The following RGS20 variants were observed in gnomAD, a reference collection of about 807,000 sequenced individuals.
The protein encoded by RGS20 is gz-selective GTPase-activating protein.
Under a neutral mutation model 33.6 loss-of-function variants are expected in RGS20, and 30 were observed. That is an observed-to-expected ratio of 0.89 (90% CI 0.67 to 1.21). The LOEUF (loss-of-function observed/expected upper bound fraction) is 1.21. Ranked by LOEUF, RGS20 falls within the 50% of genes most tolerant of loss-of-function variation. The pLI, the probability that RGS20 is intolerant of heterozygous loss-of-function variation, is 0.00. For synonymous variants in RGS20, 208 were observed against 197.9 expected, an observed-to-expected ratio of 1.05 and a Z score of -0.43; for missense variants, 472 against 502.4, an observed-to-expected ratio of 0.94 and a Z score of 0.58.
At chr8:53,885,184 C>T (rs143174030) in intron 2 of RGS20, among the ~76,000 whole-genome samples, 1 of 152,156 alleles carries the variant, frequency 6.6e-6, no homozygotes, top group Admixed American at 6.5e-5. Flanking sequence ...TGGTTTCATT[C>T]CAGGCATTAA....
intron 1 of RGS20, among the ~76,000 whole-genome samples, chr8:53,866,272 C>T (rs1005174343): frequency 6.6e-6 from 1 of 152,162 alleles, no homozygotes; most frequent in Non-Finnish European, 1.5e-5. Flanking sequence ...GAGTACACAT[C>T]AGCAAATCGC....
chr8:53,941,874 A>G (rs1179297455), intron 3 of RGS20, among the ~76,000 whole-genome samples: 1 of 152,104 alleles, frequency 6.6e-6, no homozygotes, highest in Admixed American at 6.6e-5. Context: ...AAACCTGAAA[A>G]CCCTAGGCAA....
chr8:53,873,024 A>G (rs1812114874), intron 1 of RGS20, among the ~76,000 whole-genome samples: 1 of 152,126 alleles, frequency 6.6e-6, no homozygotes, highest in Non-Finnish European at 1.5e-5. Context: ...GAGGCGATTG[A>G]GTCACGAGGG....
chr8:53,942,989 T>C (rs1338559968), intron 3 of RGS20, among the ~76,000 whole-genome samples: 5 of 152,066 alleles, frequency 3.3e-5, no homozygotes, highest in Admixed American at 3.3e-4. Flanking sequence ...GAGTGAGACC[T>C]TGTCTCAGAA....
intron 2 of RGS20, among the ~76,000 whole-genome samples, chr8:53,921,177 G>A (rs1472470160): frequency 1.3e-5 from 2 of 152,084 alleles, no homozygotes; most frequent in Non-Finnish European, 2.9e-5. Flanking sequence ...ACTTAGTCAT[G>A]GCATATAATC....
At chr8:53,929,681 T>C (rs1161255521) in intron 2 of RGS20, among the ~76,000 whole-genome samples, 3 of 152,136 alleles carry the variant, frequency 2.0e-5, no homozygotes, top group African/African-American at 7.2e-5. Context: ...AAAAAATGTT[T>C]AATAACAGAC....
chr8:53,903,872 C>T (rs888912707), intron 2 of RGS20, among the ~76,000 whole-genome samples: 1 of 152,120 alleles, frequency 6.6e-6, no homozygotes, highest in African/African-American at 2.4e-5. Context: ...AGAATGGAGG[C>T]AGAGTGAGTG....
At chr8:53,899,373 C>T (rs1052775104) in intron 2 of RGS20, among the ~76,000 whole-genome samples, 3 of 152,184 alleles carry the variant, frequency 2.0e-5, no homozygotes, top group African/African-American at 7.2e-5. Context: ...AGTGACAGAA[C>T]AGAACTCACA....
intron 2 of RGS20, among the ~76,000 whole-genome samples, chr8:53,920,193 C>T (rs1311232623): frequency 6.6e-6 from 1 of 152,114 alleles, no homozygotes; most frequent in Non-Finnish European, 1.5e-5. Context: ...ATATTCTTTA[C>T]TTTCAACAAT....
At chr8:53,936,857 G>A (rs867372989) in intron 2 of RGS20, among the ~76,000 whole-genome samples, 4 of 152,258 alleles carry the variant, frequency 2.6e-5, no homozygotes, top group Middle Eastern at 3.4e-3. Context: ...CTACAATGTT[G>A]TAGTAACCAA....
chr8:53,939,738 CT>C lies in RGS20; in HGVS notation c.659+19del. 2 of 1,545,486 alleles carry C rather than the reference CT, an allele frequency of 1.3e-6. No homozygotes were observed. Among genetic ancestry groups the C allele is most frequent in the Admixed American group, 2.0e-5 (1 of 50,148 alleles). On this transcript the variant is annotated intron_variant, in intron 3 of 5. Coordinates refer to ENST00000297313, the MANE Select transcript of RGS20 (RefSeq NM_170587.4). ...TAGCTGCTCGTGGTAAGGTTTGGGG[CT>C]TTTTAATGAATGTGCTCCTGACTGG...
intron 1 of RGS20, among the ~76,000 whole-genome samples, chr8:53,872,403 G>A (rs1229739682): frequency 1.3e-5 from 2 of 152,056 alleles, no homozygotes; most frequent in Admixed American, 6.5e-5. Flanking sequence ...ACCATGATTT[G>A]GTTGCCCTTA....
intron 2 of RGS20, among the ~76,000 whole-genome samples, chr8:53,900,305 C>A (rs1217505433): frequency 6.6e-6 from 1 of 152,058 alleles, no homozygotes; most frequent in Non-Finnish European, 1.5e-5. Flanking sequence ...CCATGCCTGG[C>A]TGATTTTTAA....
At chr8:53,957,674 A>G (rs752890346) in intron 5 of RGS20, among the ~76,000 whole-genome samples, 11 of 152,222 alleles carry the variant, frequency 7.2e-5, no homozygotes, top group Non-Finnish European at 1.3e-4. Flanking sequence ...CTTGTGGGAA[A>G]TAACAAGCAT....
chr8:53,912,845 C>A (rs966251738), intron 2 of RGS20, among the ~76,000 whole-genome samples: 7 of 151,958 alleles, frequency 4.6e-5, no homozygotes, highest in African/African-American at 1.7e-4. Context: ...TGATTCTTTC[C>A]CCTTATTTAT....
chr8:53,919,259 A>G (rs1315445319), intron 2 of RGS20, among the ~76,000 whole-genome samples: 1 of 151,984 alleles, frequency 6.6e-6, no homozygotes, highest in African/African-American at 2.4e-5. Flanking sequence ...TTAAGTTGCA[A>G]GAGTTCTTTA....
chr8:53,883,946 C>CA (rs75283566), intron 2 of RGS20, among the ~76,000 whole-genome samples: 13,128 of 122,666 alleles, frequency 0.11, 1,176 homozygotes, highest in East Asian at 0.34. Flanking sequence ...AACTCCGTCT[C>CA]AAAAAAAAAA....
chr8:53,868,373 A>C (rs1811966848), intron 1 of RGS20, among the ~76,000 whole-genome samples: 1 of 152,122 alleles, frequency 6.6e-6, no homozygotes, highest in Non-Finnish European at 1.5e-5. Context: ...TGTCTCCTGG[A>C]TATGGTGTCA....
At chr8:53,928,019 A>T (rs1346550031) in intron 2 of RGS20, among the ~76,000 whole-genome samples, 1 of 152,208 alleles carries the variant, frequency 6.6e-6, no homozygotes, top group Non-Finnish European at 1.5e-5. Flanking sequence ...GAAATGCATT[A>T]ATTCACTTCA....
Sources: allele counts gnomAD v4.1 joint callset (sites outside exome capture counted in the v4.1 genomes callset), GRCh38; gene constraint gnomAD v4.1.1; transcripts MANE v1.5; gene names NCBI Gene and HGNC (gene_info 2026-07-23, HGNC 2026-07-21).